GDF6: variants seen among roughly 807,000 people sequenced by gnomAD.
The protein encoded by GDF6 is growth/differentiation factor 6.
Under a neutral mutation model 32.4 loss-of-function variants are expected in GDF6, and 3 were observed. The ratio of observed to expected loss-of-function variants is 0.09; its 90% CI spans 0.04 to 0.24. The LOEUF is 0.24. Among genes scored for constraint, GDF6 ranks in the 10% least tolerant of loss-of-function variants. The pLI, the probability that GDF6 is intolerant of heterozygous loss-of-function variation, is 1.00. For missense variants in GDF6, 589 were observed against 637.9 expected (o/e 0.92, Z 0.83); for synonymous variants, 296 against 295.3 (o/e 1.00, Z -0.03).
At chr8:96,159,370 C>T (rs1260489178) in intron 1 of GDF6, among the ~76,000 whole-genome samples, 2 of 152,172 alleles carry the variant, frequency 1.3e-5, no homozygotes, top group Admixed American at 6.5e-5. Context: ...AGGGCACTGG[C>T]CACGCTGCAG....
At chr8:96,150,949 G>A (rs1334690821) in intron 1 of GDF6, among the ~76,000 whole-genome samples, 1 of 152,220 alleles carries the variant, frequency 6.6e-6, no homozygotes, top group Non-Finnish European at 1.5e-5. Flanking sequence ...CTGCACTGAG[G>A]GGGCAAAGTC....
Position 96,143,905 on chromosome 8 carries a change from GA to G in GDF6, c.*657del, listed in dbSNP as rs1430201596. On this transcript the variant is annotated 3_prime_UTR_variant, in exon 2 of 2. Coordinates refer to ENST00000287020, the MANE Select transcript of GDF6 (RefSeq NM_001001557.4). ...ACTCACAGAGTACACAAATGGGTGA[GA>G]GGGGCACCCGTGGGCCCACCTCTCT... 3 of 154,520 alleles carry G rather than the reference GA, an allele frequency of 1.9e-5. No homozygotes were observed. The highest frequency in any genetic ancestry group is 6.3e-5 in the Admixed American group (1 of 15,820). 9.6% of individuals were successfully genotyped at this position (154,520 alleles called of 1,614,324 possible). A position where few individuals can be genotyped will look rare whatever the true frequency, so the allele number is the denominator to read the frequency against.
At chr8:96,146,181 C>G (rs1812483100) in intron 1 of GDF6, among the ~76,000 whole-genome samples, 1 of 152,260 alleles carries the variant, frequency 6.6e-6, no homozygotes, top group South Asian at 2.1e-4. Flanking sequence ...GAGCACACGC[C>G]GGTCAGGTAA....
chr8:96,146,763 C>A (rs1170563848), intron 1 of GDF6, among the ~76,000 whole-genome samples: 1 of 151,588 alleles, frequency 6.6e-6, no homozygotes, highest in Admixed American at 6.6e-5. Context: ...CACTCCCAAT[C>A]TAAAATTCTC....
Position 96,144,997 on chromosome 8 carries a change from A to G in GDF6, c.934T>C (p.Ser312Pro). The G allele has an allele frequency of 2.9e-6, 4 of 1,376,634 alleles. No individual in the cohort carries two copies. The highest frequency in any genetic ancestry group is 3.8e-6 in the Non-Finnish European group (4 of 1,066,300). 85.3% of individuals were successfully genotyped at this position (1,376,634 alleles called of 1,614,324 possible). ...AAGPGAGAEG[S>P]WPPPSGAPDA... is the part of the protein sequence containing the mutation. The stretch of plus-strand genomic sequence containing the variant: ...GGGGCGCCCGACGGCGGCGGCCACG[A>G]CCCCTCGGCGCCCGCGCCCGGGCCC... Residue 312 changes from serine (S) to proline (P), a missense_variant, in exon 2 of 2, where the codon TCG becomes CCG. By Grantham distance (74) the Ser-to-Pro change is moderately conservative (BLOSUM62 -1). Around this residue, in one of 2 missense-constraint regions of GDF6, gnomAD observed 153 missense variants for 226.7 expected, o/e 0.67. Transcript: ENST00000287020. The surrounding 1 kb of genome is among the most constrained non-coding windows in gnomAD (Gnocchi z 5.1).
chr8:96,147,039 C>G (rs1191111420), intron 1 of GDF6, among the ~76,000 whole-genome samples: 4 of 152,164 alleles, frequency 2.6e-5, no homozygotes, highest in African/African-American at 9.7e-5. Context: ...ATCCCCAAAG[C>G]CCCCAGCCTT....
In GDF6 at chr8:96,144,598, C is replaced by G. The variant is rs1331641099; in HGVS notation, c.1333G>C (p.Glu445Gln). Residue 445 changes from glutamate to glutamine, a missense_variant, in exon 2 of 2, where the codon GAG becomes CAG. Physicochemically the swap from Glu to Gln is conservative, Grantham distance 29. This residue lies in a region of GDF6 where 153 missense variants were observed against 226.7 expected (regional missense o/e 0.67). Coordinates refer to ENST00000287020, the MANE Select transcript of GDF6 (RefSeq NM_001001557.4). The surrounding 1 kb of genome is among the most constrained non-coding windows in gnomAD (Gnocchi z 5.1). ...AGNNVVYKQY[E>Q]DMVVESCGCR is the part of the protein sequence containing the mutation. ...CCGCACGACTCCACCACCATGTCCTCGTACTGCTTGTAGACCACATTATTG... is the reference window on the plus strand; with the variant it reads ...CCGCACGACTCCACCACCATGTCCTGGTACTGCTTGTAGACCACATTATTG... 1 of 1,613,956 alleles carries G rather than the reference C, an allele frequency of 6.2e-7. No individual in the cohort carries two copies. The highest frequency in any genetic ancestry group is 8.5e-7 in the Non-Finnish European group (1 of 1,179,960).
intron 1 of GDF6, among the ~76,000 whole-genome samples, chr8:96,154,158 C>T (rs1812618101): frequency 6.6e-6 from 1 of 152,192 alleles, no homozygotes. Flanking sequence ...CGTCCTCTGT[C>T]CTTCTCCCCA....
chr8:96,150,191 CT>C (rs991599429), intron 1 of GDF6, among the ~76,000 whole-genome samples: 1 of 152,224 alleles, frequency 6.6e-6, no homozygotes, highest in African/African-American at 2.4e-5. Flanking sequence ...GTACGGCTGA[CT>C]TTGGGCTCCA....
chr8:96,153,521 G>A (rs1563512095), intron 1 of GDF6, among the ~76,000 whole-genome samples: 2 of 152,206 alleles, frequency 1.3e-5, no homozygotes, highest in East Asian at 1.9e-4. Context: ...GGCTAGGGGC[G>A]GCCTTCCCTG....
chr8:96,145,313 C>A lies in GDF6; in HGVS notation c.618G>T (p.Gly206=). Residue 206 remains glycine, a synonymous_variant, in exon 2 of 2, where the codon GGG becomes GGT. Coordinates refer to ENST00000287020, the MANE Select transcript of GDF6 (RefSeq NM_001001557.4). This position sits in a 1 kb window ranked among gnomAD's most constrained non-coding sequence, Gnocchi z 5.6. ...LLDARTLDPQ[G]APPAGWEVFD... ...AGACTTCCCAGCCGGCCGGCGGCGCCCCCTGCGGGTCCAGGGTCCGCGCGT... is the reference window on the plus strand; with the variant it reads ...AGACTTCCCAGCCGGCCGGCGGCGCACCCTGCGGGTCCAGGGTCCGCGCGT... The A allele has an allele frequency of 6.5e-7, 1 of 1,532,962 alleles. No homozygotes were observed. Among genetic ancestry groups the A allele is most frequent in the Non-Finnish European group, 8.7e-7 (1 of 1,145,926 alleles). 95.0% of individuals were successfully genotyped at this position (1,532,962 alleles called of 1,614,324 possible). A position where few individuals can be genotyped will look rare whatever the true frequency, so the allele number is the denominator to read the frequency against.
chr8:96,149,410 G>C (rs1422941456), intron 1 of GDF6, among the ~76,000 whole-genome samples: 4 of 152,188 alleles, frequency 2.6e-5, no homozygotes, highest in African/African-American at 9.6e-5. Flanking sequence ...TGCTGGATTA[G>C]GGCTTATCTT....
intron 1 of GDF6, among the ~76,000 whole-genome samples, chr8:96,146,707 C>CACACACACAGAGAGAGAGAGAGAG (rs367654279): frequency 4.1e-4 from 58 of 140,022 alleles, no homozygotes; most frequent in African/African-American, 1.6e-3. Context: ...CACACACACA[C>CACACACACAGAGAGAGAGAGAGAG]AGAGAGAGAG....
At position 96,145,238 on chromosome 8, in the gene GDF6, C is replaced by T; in HGVS notation, c.693G>A (p.Leu231=). The T allele has an allele frequency of 6.6e-7, 1 of 1,522,106 alleles. No homozygotes were observed. Among genetic ancestry groups the T allele is most frequent in the Non-Finnish European group, 8.8e-7 (1 of 1,141,464 alleles). The allele number at this position is 1,522,106 out of a possible 1,614,324, so 94.3% of individuals were successfully genotyped here. ...LRHQPWKQLC[L]ELRAAWGELD... ...GCTCGCCCCATGCGGCCCGCAGCTC[C>T]AAGCACAGCTGCTTCCAGGGCTGGT... Residue 231 remains leucine (L), a synonymous_variant, in exon 2 of 2, where the codon TTG becomes TTA. Transcript: ENST00000287020. The surrounding 1 kb of genome is among the most constrained non-coding windows in gnomAD (Gnocchi z 5.6).
intron 1 of GDF6, among the ~76,000 whole-genome samples, chr8:96,154,079 G>T (rs886681062): frequency 5.3e-5 from 8 of 152,092 alleles, no homozygotes; most frequent in African/African-American, 1.9e-4. Flanking sequence ...GATTCTCCTG[G>T]GCTCCTATGT....
intron 1 of GDF6, among the ~76,000 whole-genome samples, chr8:96,152,068 G>T (rs1308190202): frequency 6.6e-6 from 1 of 152,210 alleles, no homozygotes; most frequent in Non-Finnish European, 1.5e-5. Flanking sequence ...CAGTTCTCTG[G>T]ACTTCAGTCC....
intron 1 of GDF6, among the ~76,000 whole-genome samples, chr8:96,151,797 T>A (rs28602353): frequency 0.029 from 4,373 of 152,216 alleles, 186 homozygotes; most frequent in African/African-American, 0.098. Flanking sequence ...AGACATAAAT[T>A]TGAGTCCTGA....
Position 96,145,231 on chromosome 8 carries a change from G to A in GDF6, c.700C>T (p.Arg234Trp). ...QPWKQLCLEL[R>W]AAWGELDAGE... ...GCGTCCAGCTCGCCCCATGCGGCCCGCAGCTCCAAGCACAGCTGCTTCCAG... is the reference window on the plus strand; with the variant it reads ...GCGTCCAGCTCGCCCCATGCGGCCCACAGCTCCAAGCACAGCTGCTTCCAG... Residue 234 changes from arginine (R) to tryptophan (W), a missense_variant, in exon 2 of 2, where the codon CGG becomes TGG. Transcript: ENST00000287020. This position sits in a 1 kb window ranked among gnomAD's most constrained non-coding sequence, Gnocchi z 5.6. The A allele has an allele frequency of 6.6e-7, 1 of 1,515,128 alleles. No homozygotes were observed. The highest frequency in any genetic ancestry group is 2.6e-5 in the East Asian group (1 of 38,604). The allele number at this position is 1,515,128 out of a possible 1,614,324, so 93.9% of individuals were successfully genotyped here. A position where few individuals can be genotyped will look rare whatever the true frequency, so the allele number is the denominator to read the frequency against.
chr8:96,145,034 C>G lies in GDF6; in HGVS notation c.897G>C (p.Ser299=). Residue 299 remains serine (S), a synonymous_variant, in exon 2 of 2, where the codon TCG becomes TCC. Coordinates refer to ENST00000287020, the MANE Select transcript of GDF6 (RefSeq NM_001001557.4). This position sits in a 1 kb window ranked among gnomAD's most constrained non-coding sequence, Gnocchi z 5.6. ...CCGCGCCCGGGCCCGCAGCCTCGGC[C>G]GAGCCCAGCTGCTCGCGCATCTCTG... ...LFAEMREQLG[S]AEAAGPGAGA... 4 of 1,451,374 alleles carry G rather than the reference C, an allele frequency of 2.8e-6. No homozygotes were observed. The highest frequency in any genetic ancestry group is 1.4e-5 in the South Asian group (1 of 71,396). The allele number at this position is 1,451,374 out of a possible 1,614,324, so 89.9% of individuals were successfully genotyped here. A position where few individuals can be genotyped will look rare whatever the true frequency, so the allele number is the denominator to read the frequency against.
Sources: allele counts gnomAD v4.1 joint callset (sites outside exome capture counted in the v4.1 genomes callset), GRCh38; gene constraint gnomAD v4.1.1; regional missense constraint gnomAD v4.1.1; non-coding constraint Gnocchi (gnomAD v3.1); transcripts MANE v1.5; gene names NCBI Gene and HGNC (gene_info 2026-07-23, HGNC 2026-07-21).